FHIT: variants seen among roughly 807,000 people sequenced by gnomAD.
FHIT encodes fragile histidine triad diadenosine triphosphatase.
FHIT carries 19 observed loss-of-function variants against 17.9 expected under a neutral mutation model. The observed-to-expected ratio is 1.06, with a 90% CI of 0.74 to 1.56. FHIT has a LOEUF of 1.56. Among genes scored for constraint, FHIT ranks in the 40% most tolerant of loss-of-function variants. FHIT has a pLI of 0.00. For missense variants in FHIT, 248 were observed against 189.2 expected (o/e 1.31, Z -1.82); for synonymous variants, 81 against 69.7 (o/e 1.16, Z -0.81).
At chr3:60,090,435 CCCTT>C (rs1222896539) in intron 5 of FHIT, among the ~76,000 whole-genome samples, 1 of 152,158 alleles carries the variant, frequency 6.6e-6, no homozygotes, top group African/African-American at 2.4e-5. Context: ...AAGTCAGTCT[CCCTT>C]CTTCAAAAGC....
At chr3:61,249,887 A>C (rs1278222542) in intron 1 of FHIT, among the ~76,000 whole-genome samples, 1 of 151,464 alleles carries the variant, frequency 6.6e-6, no homozygotes, top group African/African-American at 2.4e-5. Context: ...CACCGTATAC[A>C]ACAATCCCAT....
chr3:59,943,243 A>G (rs1474734944), intron 7 of FHIT, among the ~76,000 whole-genome samples: 1 of 152,064 alleles, frequency 6.6e-6, no homozygotes, highest in Non-Finnish European at 1.5e-5. Context: ...GAAAAGGAGA[A>G]GGCCAGTGAG....
intron 2 of FHIT, among the ~76,000 whole-genome samples, chr3:61,163,765 T>G (rs1162502613): frequency 2.6e-5 from 4 of 152,334 alleles, no homozygotes; most frequent in African/African-American, 9.6e-5. Flanking sequence ...CACAACTGTC[T>G]GCTCTTCATC....
rs1006905624 is a variant in FHIT at position 60,351,041 on chromosome 3, C to A, written c.103+185819G>T. ...AGTCAAGCAGCTGATGAGACCACAG[C>A]CCCAGCCAAAAGCTATATTGCAGCC... is the stretch of plus-strand genomic sequence containing the variant. On this transcript the variant is annotated intron_variant, in intron 5 of 9. Coordinates refer to ENST00000492590, the MANE Select transcript of FHIT (RefSeq NM_002012.4). 3.3e-5 allele frequency among the ~76,000 whole-genome samples: 5 copies of A among 152,010 alleles called. No homozygotes were observed. In the South Asian group the frequency reaches 6.2e-4, roughly 19 times the overall value.
chr3:60,728,661 T>C (rs746116631), intron 4 of FHIT, among the ~76,000 whole-genome samples: 1 of 150,910 alleles, frequency 6.6e-6, no homozygotes, highest in Non-Finnish European at 1.5e-5. Flanking sequence ...CAATTTAAAA[T>C]TTACATCTTT....
intron 4 of FHIT, among the ~76,000 whole-genome samples, chr3:60,602,711 C>T (rs1332817462): frequency 6.6e-6 from 1 of 152,102 alleles, no homozygotes; most frequent in African/African-American, 2.4e-5. Flanking sequence ...GGACTGAATA[C>T]TTATGTCTTC....
intron 5 of FHIT, among the ~76,000 whole-genome samples, chr3:60,370,327 C>T (rs575057949): frequency 6.6e-6 from 1 of 152,306 alleles, no homozygotes; most frequent in South Asian, 2.1e-4. Context: ...AATACACTTT[C>T]AGCTATCTTA....
intron 5 of FHIT, among the ~76,000 whole-genome samples, chr3:60,386,784 G>A (rs145431567): frequency 2.6e-4 from 40 of 152,274 alleles, no homozygotes; most frequent in African/African-American, 6.0e-4. Context: ...CTGTGTGTGC[G>A]TTCCAGACGA....
chr3:60,554,135 T>G (rs751603024), intron 4 of FHIT, among the ~76,000 whole-genome samples: 3 of 151,024 alleles, frequency 2.0e-5, no homozygotes, highest in African/African-American at 7.3e-5. Context: ...GAAACCTGAA[T>G]AAAAAGGAAA....
At chr3:60,707,473 T>C (rs1395361096) in intron 4 of FHIT, among the ~76,000 whole-genome samples, 3 of 152,086 alleles carry the variant, frequency 2.0e-5, no homozygotes, top group African/African-American at 2.4e-5. Context: ...TTTAACTAGG[T>C]GGAATTTTCA....
intron 5 of FHIT, among the ~76,000 whole-genome samples, chr3:60,448,866 T>G (rs1168408349): frequency 6.6e-6 from 1 of 152,186 alleles, no homozygotes; most frequent in Admixed American, 6.6e-5. Flanking sequence ...TTACTAAGTC[T>G]TGCCAGGAAG....
chr3:60,067,238 G>C (rs1702555684), intron 5 of FHIT, among the ~76,000 whole-genome samples: 1 of 152,124 alleles, frequency 6.6e-6, no homozygotes, highest in African/African-American at 2.4e-5. Flanking sequence ...GGCACTTATA[G>C]ATACATTTGC....
chr3:59,773,861 T>C (rs1362212504), intron 8 of FHIT, among the ~76,000 whole-genome samples: 1 of 152,180 alleles, frequency 6.6e-6, no homozygotes, highest in Non-Finnish European at 1.5e-5. Context: ...AAACGGCTTG[T>C]CTGAACTGAG....
chr3:60,105,687 C>G (rs1372487350), intron 5 of FHIT, among the ~76,000 whole-genome samples: 2 of 152,146 alleles, frequency 1.3e-5, no homozygotes, highest in Admixed American at 1.3e-4. Context: ...GTTAGCAAGA[C>G]AGAAATGTGA....
At chr3:60,731,039 G>A (rs530249498) in intron 4 of FHIT, among the ~76,000 whole-genome samples, 1 of 152,104 alleles carries the variant, frequency 6.6e-6, no homozygotes, top group Non-Finnish European at 1.5e-5. Flanking sequence ...GCTGAGGCAG[G>A]AGAATTGCTT....
chr3:60,324,245 C>T (rs769287868), intron 5 of FHIT, among the ~76,000 whole-genome samples: 1 of 152,050 alleles, frequency 6.6e-6, no homozygotes, highest in East Asian at 1.9e-4. Flanking sequence ...GGTCCTATAA[C>T]CCCAGAGTCC....
At chr3:60,364,330 G>C (rs766458725) in intron 5 of FHIT, among the ~76,000 whole-genome samples, 5 of 152,190 alleles carry the variant, frequency 3.3e-5, no homozygotes, top group Admixed American at 6.5e-5. Context: ...TATGAAGGCA[G>C]TTATTTTATT....
chr3:60,967,545 T>G (rs1454501278), intron 3 of FHIT, among the ~76,000 whole-genome samples: 2 of 152,174 alleles, frequency 1.3e-5, no homozygotes, highest in Non-Finnish European at 2.9e-5. Flanking sequence ...GGGACAAAAG[T>G]GTCAATGGTT....
intron 8 of FHIT, among the ~76,000 whole-genome samples, chr3:59,909,227 C>T (rs1704744529): frequency 6.6e-6 from 1 of 151,682 alleles, no homozygotes; most frequent in Non-Finnish European, 1.5e-5. Context: ...AGAGATGAGG[C>T]TTCACCATGC....
Sources: allele counts gnomAD v4.1 joint callset (sites outside exome capture counted in the v4.1 genomes callset), GRCh38; gene constraint gnomAD v4.1.1; transcripts MANE v1.5; gene names NCBI Gene and HGNC (gene_info 2026-07-23, HGNC 2026-07-21).